The following LINGO2 variants were observed in gnomAD, a reference collection of about 807,000 sequenced individuals.
The protein encoded by LINGO2 is leucine-rich repeat and immunoglobulin-like domain-containing nogo receptor-interacting protein 2.
LINGO2 carries 14 observed loss-of-function variants against 30.6 expected under a neutral mutation model. That is an observed-to-expected ratio of 0.46 (90% CI 0.30 to 0.72). LINGO2 has a LOEUF of 0.72. Ranked by LOEUF, LINGO2 falls within the 30% of genes least tolerant of loss-of-function variation. LINGO2 has a pLI of 0.07. For missense variants in LINGO2, 729 were observed against 751.7 expected, an observed-to-expected ratio of 0.97 and a Z score of 0.35; for synonymous variants, 317 against 288.5, an observed-to-expected ratio of 1.10 and a Z score of -1.00.
At chr9:28,171,365 C>T (rs547796757) in intron 4 of LINGO2, among the ~76,000 whole-genome samples, 2 of 152,266 alleles carry the variant, frequency 1.3e-5, no homozygotes, top group African/African-American at 4.8e-5. Flanking sequence ...TGTCCTTGTC[C>T]TGGCAACCAG....
chr9:28,576,009 A>G (rs1190521170), intron 1 of LINGO2, among the ~76,000 whole-genome samples: 2 of 152,020 alleles, frequency 1.3e-5, no homozygotes, highest in African/African-American at 4.8e-5. Flanking sequence ...TCTACTTACA[A>G]TGGGGTTATG....
chr9:28,250,942 C>T (rs7044982), intron 4 of LINGO2, among the ~76,000 whole-genome samples: 32,334 of 151,950 alleles, frequency 0.21, 3,760 homozygotes, highest in East Asian at 0.26. Context: ...AGTCACAAGA[C>T]GCCCTCACCA....
At chr9:28,236,869 A>G (rs1006387386) in intron 4 of LINGO2, among the ~76,000 whole-genome samples, 4 of 152,168 alleles carry the variant, frequency 2.6e-5, no homozygotes, top group African/African-American at 9.7e-5. Flanking sequence ...TTAATTGTGC[A>G]TATTAAAATA....
the LINGO2 span, among the ~76,000 whole-genome samples, chr9:28,803,668 T>G: frequency 6.6e-6 from 1 of 152,004 alleles, no homozygotes; most frequent in Non-Finnish European, 1.5e-5. Flanking sequence ...TCAGAAATTC[T>G]GACATCTAGT....
At chr9:28,333,565 A>C (rs544171691) in intron 3 of LINGO2, among the ~76,000 whole-genome samples, 26 of 152,308 alleles carry the variant, frequency 1.7e-4, no homozygotes, top group African/African-American at 6.3e-4. Flanking sequence ...TAGTTTTCAA[A>C]ATACCTCAAA....
At chr9:28,685,674 T>C in the LINGO2 span, among the ~76,000 whole-genome samples, 639 of 152,256 alleles carry the variant, frequency 4.2e-3, 3 homozygotes, top group African/African-American at 0.012. Flanking sequence ...TTTGAAGTTC[T>C]CCCTAAAACT....
At chr9:29,151,406 C>T in the LINGO2 span, among the ~76,000 whole-genome samples, 2 of 152,134 alleles carry the variant, frequency 1.3e-5, no homozygotes, top group Non-Finnish European at 2.9e-5. Context: ...TATATCAATA[C>T]TAAAACTGAA....
intron 4 of LINGO2, among the ~76,000 whole-genome samples, chr9:28,051,545 CAGATAAATTCCT>C (rs1273499776): frequency 1.3e-5 from 2 of 152,070 alleles, no homozygotes; most frequent in Non-Finnish European, 2.9e-5. Context: ...CAGCAGGGAA[CAGATAAATTCCT>C]ACCTCTTAGA....
At chr9:27,978,427 C>T (rs370034251) in intron 5 of LINGO2, among the ~76,000 whole-genome samples, 7 of 151,972 alleles carry the variant, frequency 4.6e-5, no homozygotes, top group African/African-American at 1.2e-4. Context: ...ATAGAACCTT[C>T]GAGAAGTGTT....
At chr9:28,214,185 C>T (rs1820688101) in intron 4 of LINGO2, among the ~76,000 whole-genome samples, 1 of 151,536 alleles carries the variant, frequency 6.6e-6, no homozygotes, top group Admixed American at 6.6e-5. Context: ...TAAATCTAAA[C>T]TTTGCTTGAG....
chr9:28,911,228 C>T, the LINGO2 span, among the ~76,000 whole-genome samples: 1 of 151,972 alleles, frequency 6.6e-6, no homozygotes, highest in African/African-American at 2.4e-5. Context: ...TATTAGATCA[C>T]TTATACAATT....
chr9:27,949,260 C>A (rs866067533), exon 6 of LINGO2: 1 of 1,614,056 alleles, frequency 6.2e-7, no homozygotes, highest in Non-Finnish European at 8.5e-7. Flanking sequence ...CTGGGCAAAG[C>A]GGATTTCCAA....
the LINGO2 span, among the ~76,000 whole-genome samples, chr9:28,729,705 G>GA: frequency 4.0e-5 from 6 of 150,934 alleles, no homozygotes; most frequent in South Asian, 2.1e-4. Context: ...AAATCAGGAG[G>GA]AAAAAAAATA....
At chr9:29,004,874 A>C in the LINGO2 span, among the ~76,000 whole-genome samples, 7 of 152,004 alleles carry the variant, frequency 4.6e-5, no homozygotes, top group Admixed American at 3.3e-4. Flanking sequence ...ACCTCCTTGG[A>C]CAATTTAATT....
At chr9:28,927,156 C>G in the LINGO2 span, among the ~76,000 whole-genome samples, 1 of 152,104 alleles carries the variant, frequency 6.6e-6, no homozygotes, top group African/African-American at 2.4e-5. Flanking sequence ...AAGTACTGTG[C>G]CTGGTAAATA....
chr9:28,495,590 A>G (rs1287584997), intron 1 of LINGO2, among the ~76,000 whole-genome samples: 1 of 152,112 alleles, frequency 6.6e-6, no homozygotes, highest in Non-Finnish European at 1.5e-5. Flanking sequence ...CTGTTTTGAT[A>G]CCAGTACCAT....
chr9:28,919,018 T>C, the LINGO2 span, among the ~76,000 whole-genome samples: 1 of 152,196 alleles, frequency 6.6e-6, no homozygotes, highest in Non-Finnish European at 1.5e-5. Context: ...AGGCTTCAGC[T>C]TCAATCCGTG....
chr9:28,294,635 G>C (rs759079924), intron 4 of LINGO2, among the ~76,000 whole-genome samples: 1 of 152,090 alleles, frequency 6.6e-6, no homozygotes, highest in Non-Finnish European at 1.5e-5. Context: ...AAGAGTACTT[G>C]AATAAGAGTG....
intron 4 of LINGO2, among the ~76,000 whole-genome samples, chr9:28,019,319 G>T (rs1211400095): frequency 4.2e-5 from 6 of 142,152 alleles, no homozygotes; most frequent in African/African-American, 7.8e-5. Flanking sequence ...GGGAATATAT[G>T]TTTTTTTTTT....
Sources: allele counts gnomAD v4.1 joint callset (sites outside exome capture counted in the v4.1 genomes callset), GRCh38; gene constraint gnomAD v4.1.1; transcripts MANE v1.5; gene names NCBI Gene and HGNC (gene_info 2026-07-23, HGNC 2026-07-21).